ST18: variants seen among roughly 807,000 people sequenced by gnomAD.
ST18 encodes suppression of tumorigenicity 18 protein.
ST18 carries 50 observed loss-of-function variants against 110.0 expected under a neutral mutation model. The ratio of observed to expected loss-of-function variants is 0.45; its 90% CI spans 0.36 to 0.58. ST18 has a LOEUF of 0.58. ST18 is among the 20% of genes least tolerant of loss of function. The pLI is 0.00. For synonymous variants in ST18, 461 were observed against 452.4 expected (o/e 1.02, Z -0.24); for missense variants, 1,306 against 1,280.1 (o/e 1.02, Z -0.31).
chr8:52,150,169 C>A (rs1386996941), intron 15 of ST18, among the ~76,000 whole-genome samples, 192 bp from the exon 16 acceptor site: 1 of 152,008 alleles, frequency 6.6e-6, no homozygotes, highest in Non-Finnish European at 1.5e-5. Flanking sequence ...CATTAGTGAG[C>A]TTTGTGTTTC....
intron 2 of ST18, among the ~76,000 whole-genome samples, chr8:52,400,616 G>C (rs2141087204): frequency 6.6e-6 from 1 of 151,726 alleles, no homozygotes; most frequent in East Asian, 1.9e-4. Flanking sequence ...GTGTACCATG[G>C]GGCTTACATA....
intron 5 of ST18, 96 bp downstream of exon 5, chr8:52,220,645 A>G (rs1335260162): frequency 2.0e-5 from 3 of 152,158 alleles, no homozygotes; most frequent in African/African-American, 4.8e-5. Flanking sequence ...ACAGAGAAAG[A>G]GCTGTTGTAG....
At chr8:52,252,695 C>T in intron 2 of ST18, among the ~76,000 whole-genome samples, 1 of 151,862 alleles carries the variant, frequency 6.6e-6, no homozygotes, top group Non-Finnish European at 1.5e-5. Flanking sequence ...AAGAGTGAAT[C>T]GCTTTTATGT....
chr8:52,196,616 T>C (rs749083053), intron 8 of ST18, among the ~76,000 whole-genome samples: 6 of 152,228 alleles, frequency 3.9e-5, no homozygotes, highest in Non-Finnish European at 7.3e-5. Context: ...ATATAACTTT[T>C]ATTGCAGCGT....
rs941736244 is a variant in ST18 at position 52,198,257 on chromosome 8, A to C, written c.86+13822T>G. Among the ~76,000 whole-genome samples the C allele has an allele frequency of 2.7e-4, 41 of 152,188 alleles. 1 individual carries two copies. In the Middle Eastern group the frequency reaches 0.017, roughly 63 times the overall value. On this transcript the variant is annotated intron_variant, in intron 8 of 25. Transcript: ENST00000689386. ...CCTGACCTTGTGATCTGCCTGCCTC[A>C]ACCTCCCAAAGTACTGGGATTACAG...
At chr8:52,317,530 T>A (rs950637826) in intron 2 of ST18, among the ~76,000 whole-genome samples, 10 of 152,252 alleles carry the variant, frequency 6.6e-5, no homozygotes, top group African/African-American at 2.4e-4. Flanking sequence ...CCACTCAGCT[T>A]GTGGTAATTT....
intron 19 of ST18, among the ~76,000 whole-genome samples, chr8:52,133,723 ATTATTATT>A (rs1299441595): frequency 2.1e-4 from 31 of 148,618 alleles, no homozygotes; most frequent in African/African-American, 7.2e-4. Flanking sequence ...TATTATTATT[ATTATTATT>A]ATTATTATTG....
intron 2 of ST18, among the ~76,000 whole-genome samples, chr8:52,312,598 G>A (rs1469721501): frequency 6.6e-6 from 1 of 152,190 alleles, no homozygotes; most frequent in Non-Finnish European, 1.5e-5. Flanking sequence ...CTTTGCTAGA[G>A]CAGATCAATA....
chr8:52,264,217 T>C (rs1192033020), intron 2 of ST18, among the ~76,000 whole-genome samples: 1 of 152,240 alleles, frequency 6.6e-6, no homozygotes, highest in Admixed American at 6.5e-5. Flanking sequence ...GGGTATGGTG[T>C]CCTAATTCTT....
intron 8 of ST18, among the ~76,000 whole-genome samples, chr8:52,182,704 A>G (rs1191789999): frequency 6.6e-6 from 1 of 152,144 alleles, no homozygotes; most frequent in Non-Finnish European, 1.5e-5. Context: ...AATTAGCTCT[A>G]GAGATATGCT....
At chr8:52,319,816 C>T (rs911151049) in intron 2 of ST18, among the ~76,000 whole-genome samples, 3 of 152,130 alleles carry the variant, frequency 2.0e-5, no homozygotes, top group African/African-American at 7.2e-5. Context: ...CTCTGAAGAT[C>T]TTAGGAGAGT....
At chr8:52,186,093 T>A (rs1470591276) in intron 8 of ST18, among the ~76,000 whole-genome samples, 1 of 152,172 alleles carries the variant, frequency 6.6e-6, no homozygotes, top group Non-Finnish European at 1.5e-5. Flanking sequence ...CTTCTATATG[T>A]ATGTCATGCT....
intron 9 of ST18, among the ~76,000 whole-genome samples, chr8:52,173,233 G>T (rs994157459): frequency 1.3e-4 from 20 of 152,184 alleles, no homozygotes; most frequent in African/African-American, 4.6e-4. Flanking sequence ...CACAAACAGG[G>T]AAATTAGCAT....
intron 8 of ST18, among the ~76,000 whole-genome samples, chr8:52,204,841 C>T (rs2079364747): frequency 6.6e-6 from 1 of 152,140 alleles, no homozygotes; most frequent in Non-Finnish European, 1.5e-5. Context: ...AGACTCTCAG[C>T]TCCTGTAATC....
At chr8:52,182,244 C>T (rs1020563075) in intron 8 of ST18, among the ~76,000 whole-genome samples, 4 of 152,056 alleles carry the variant, frequency 2.6e-5, no homozygotes, top group Non-Finnish European at 5.9e-5. Context: ...TTCAGGATCC[C>T]GATTTCAATT....
chr8:52,401,601 T>C (rs1842828591), intron 2 of ST18, among the ~76,000 whole-genome samples: 1 of 152,020 alleles, frequency 6.6e-6, no homozygotes, highest in African/African-American at 2.4e-5. Flanking sequence ...GTTGAAGCTG[T>C]CAATTTTAAA....
At position 52,180,215 on chromosome 8, in the gene ST18, G is replaced by A. The variant is rs2068813052; in HGVS notation, c.184C>T (p.Arg62Ter). Residue 62 changes from arginine to a stop codon, truncating the protein, a stop_gained, in exon 9 of 26, where the codon CGA becomes TGA. Coordinates refer to ENST00000689386, the MANE Select transcript of ST18 (RefSeq NM_001352837.2). LOFTEE classifies it high-confidence loss of function. ...NKRKSLLMKP[R>*]HYSPKADCQE... ...CAGTCTGCTTTTGGGCTGTAGTGTC[G>A]GGGCTTCATTAGCAGGGATTTCCTT... 6.2e-7 allele frequency: 1 copy of A among 1,614,058 alleles called. No individual in the cohort carries two copies. The highest frequency in any genetic ancestry group is 8.5e-7 in the Non-Finnish European group (1 of 1,180,002).
intron 2 of ST18, chr8:52,404,679 T>G (rs1030684195): frequency 6.6e-6 from 1 of 152,190 alleles, no homozygotes; most frequent in Admixed American, 6.5e-5. Flanking sequence ...AACTAACTCA[T>G]GATTTGATAT....
intron 16 of ST18, among the ~76,000 whole-genome samples, chr8:52,146,301 C>T (rs976980897): frequency 2.0e-5 from 3 of 152,292 alleles, no homozygotes; most frequent in Non-Finnish European, 4.4e-5. Flanking sequence ...AGCTCCAGTC[C>T]TGTACCCGCA....
Sources: allele counts gnomAD v4.1 joint callset (sites outside exome capture counted in the v4.1 genomes callset), GRCh38; gene constraint gnomAD v4.1.1; transcripts MANE v1.5; gene names NCBI Gene and HGNC (gene_info 2026-07-23, HGNC 2026-07-21).